Variants in ADAMTS20 observed in about 807,000 individuals in gnomAD.
ADAMTS20 encodes the protein A disintegrin and metalloproteinase with thrombospondin motifs 20.
Under a neutral mutation model 260.1 loss-of-function variants are expected in ADAMTS20, and 225 were observed. The ratio of observed to expected loss-of-function variants is 0.87; its 90% CI spans 0.78 to 0.97. The LOEUF (loss-of-function observed/expected upper bound fraction) is 0.97, where lower values mean the gene tolerates loss of function less well. Among genes scored for constraint, ADAMTS20 ranks in the 50% least tolerant of loss-of-function variants. The probability of loss-of-function intolerance (pLI) is 0.00; values close to 1 mark genes in which losing one functional copy is unlikely to be tolerated. For synonymous variants in ADAMTS20, 802 were observed against 769.5 expected (o/e 1.04, Z -0.70); for missense variants, 2,400 against 2,337.7 (o/e 1.03, Z -0.55).
At chr12:43,403,403 C>T (rs941346722) in intron 28 of ADAMTS20, among the ~76,000 whole-genome samples, 1 of 151,718 alleles carries the variant, frequency 6.6e-6, no homozygotes, top group Non-Finnish European at 1.5e-5. Context: ...TTTTAGGCTT[C>T]CCTAAACTAT....
rs567438645 is a variant in ADAMTS20 at position 43,428,700 on chromosome 12, G to A, written c.3589C>T (p.Arg1197Ter). 6 of 1,612,184 alleles carry A rather than the reference G, an allele frequency of 3.7e-6. No individual in the cohort carries two copies. The highest frequency in any genetic ancestry group is 2.2e-5 in the South Asian group (2 of 90,916). Residue 1197 changes from arginine (R) to a stop codon, truncating the protein, a stop_gained, in exon 25 of 39, where the codon CGA becomes TGA. Transcript: ENST00000389420. LOFTEE classifies it high-confidence loss of function. ...ADESYCAHLP[R>*]PAEIWDCFTP... ...AAACAGTCCCATATTTCAGCAGGTC[G>A]GGGTAAGTGGGCACAATATGATTCA...
Position 43,431,318 on chromosome 12 carries a change from T to C in ADAMTS20, c.3261+14A>G. 4 of 1,611,126 alleles carry C rather than the reference T, an allele frequency of 2.5e-6. No individual in the cohort carries two copies. The highest frequency in any genetic ancestry group is 1.7e-6 in the Non-Finnish European group (2 of 1,178,800). ...AGATAGATCAAATTAGAAAAACCCA[T>C]ATCATATACTCACAGGACCCCATGG... On this transcript the variant is annotated intron_variant, in intron 22 of 38. Transcript: ENST00000389420.
intron 28 of ADAMTS20, among the ~76,000 whole-genome samples, chr12:43,421,618 C>G (rs1302694489): frequency 6.6e-6 from 1 of 151,982 alleles, no homozygotes; most frequent in Non-Finnish European, 1.5e-5. Flanking sequence ...CTTTTAAAGA[C>G]TACCTTGGTC....
At chr12:43,469,610 C>T (rs1263495733) in intron 7 of ADAMTS20, among the ~76,000 whole-genome samples, 1 of 150,330 alleles carries the variant, frequency 6.7e-6, no homozygotes. Flanking sequence ...TCCTAGAACT[C>T]TTCCTTTCAC....
chr12:43,470,905 C>A (rs1051804867), intron 7 of ADAMTS20, among the ~76,000 whole-genome samples: 5 of 152,210 alleles, frequency 3.3e-5, no homozygotes, highest in African/African-American at 4.8e-5. Context: ...TCATCCTCAT[C>A]TATAAAATTA....
chr12:43,490,322 A>C, intron 7 of ADAMTS20, 73 bp downstream of exon 7: 1 of 768,682 alleles, frequency 1.3e-6, no homozygotes. Context: ...TAAATGGAAA[A>C]TAGCCTAAAC....
At chr12:43,385,721 CTTGT>C (rs1338377539) in intron 29 of ADAMTS20, among the ~76,000 whole-genome samples, 1 of 152,094 alleles carries the variant, frequency 6.6e-6, no homozygotes, top group Non-Finnish European at 1.5e-5. Context: ...TTCCCCATTG[CTTGT>C]TTTTGTTAAA....
chr12:43,412,514 C>G (rs1305740931), intron 28 of ADAMTS20, among the ~76,000 whole-genome samples: 1 of 152,166 alleles, frequency 6.6e-6, no homozygotes, highest in Admixed American at 6.5e-5. Context: ...TGTTCTGACT[C>G]TAACGGGTAT....
intron 2 of ADAMTS20, among the ~76,000 whole-genome samples, chr12:43,536,412 A>C (rs11182144): frequency 0.33 from 49,831 of 152,126 alleles, 8,497 homozygotes; most frequent in East Asian, 0.57. Flanking sequence ...TACAGAGATA[A>C]ATGTGACAAA....
intron 7 of ADAMTS20, among the ~76,000 whole-genome samples, chr12:43,486,216 G>A (rs907732290): frequency 6.6e-6 from 1 of 152,016 alleles, no homozygotes; most frequent in African/African-American, 2.4e-5. Flanking sequence ...TATGGTACTG[G>A]TATAAAAGCA....
At chr12:43,451,128 C>A (rs762884634) in intron 14 of ADAMTS20, among the ~76,000 whole-genome samples, 4 of 152,132 alleles carry the variant, frequency 2.6e-5, no homozygotes, top group Non-Finnish European at 5.9e-5. Flanking sequence ...CCATTTGTGA[C>A]AACATGGATG....
At chr12:43,418,947 T>C (rs940371050) in intron 28 of ADAMTS20, among the ~76,000 whole-genome samples, 1 of 152,188 alleles carries the variant, frequency 6.6e-6, no homozygotes, top group African/African-American at 2.4e-5. Context: ...TTGTGAGGTA[T>C]ATTTTTCAGC....
At position 43,431,631 on chromosome 12, in the gene ADAMTS20, CAG is replaced by C. The variant is rs1401080078; in HGVS notation, c.3097-137_3097-136del. On this transcript the variant is annotated intron_variant, in intron 21 of 38. Transcript: ENST00000389420. ...CCAAATGCATTTTCCCTCACTCCACCAGAGATATTCACTGGGTAAAATCAGCC... is the reference window on the plus strand; with the variant it reads ...CCAAATGCATTTTCCCTCACTCCACCAGATATTCACTGGGTAAAATCAGCC... 7 of 1,005,158 alleles carry C rather than the reference CAG, an allele frequency of 7.0e-6. No individual in the cohort carries two copies. The African/African-American group carries it at 9.7e-5, about 14-fold the overall frequency. 62.3% of individuals were successfully genotyped at this position (1,005,158 alleles called of 1,614,324 possible). A position where few individuals can be genotyped will look rare whatever the true frequency, so the allele number is the denominator to read the frequency against.
chr12:43,415,277 G>A (rs755855394), intron 28 of ADAMTS20, among the ~76,000 whole-genome samples: 28 of 151,960 alleles, frequency 1.8e-4, no homozygotes, highest in Non-Finnish European at 3.1e-4. Context: ...CTACATAGGC[G>A]TGTTCACTTT....
intron 7 of ADAMTS20, among the ~76,000 whole-genome samples, chr12:43,481,060 C>G (rs889842198): frequency 2.0e-5 from 3 of 151,920 alleles, no homozygotes; most frequent in Non-Finnish European, 4.4e-5. Context: ...CATTTTACCC[C>G]CAAAAATGTA....
chr12:43,492,766 A>C (rs1386479327), intron 5 of ADAMTS20, 137 bp from the exon 6 acceptor site: 1 of 918,706 alleles, frequency 1.1e-6, no homozygotes. Flanking sequence ...TCTTCTTCAT[A>C]TATTAACTAT....
At chr12:43,362,070 A>G (rs1939881534) in intron 37 of ADAMTS20, among the ~76,000 whole-genome samples, 1 of 152,182 alleles carries the variant, frequency 6.6e-6, no homozygotes, top group Non-Finnish European at 1.5e-5. Flanking sequence ...TACATCAAAT[A>G]TATGACCAGA....
chr12:43,472,710 G>C (rs866377434), intron 7 of ADAMTS20, among the ~76,000 whole-genome samples: 3,716 of 146,544 alleles, frequency 0.025, 75 homozygotes, highest in African/African-American at 0.058. Flanking sequence ...GAATTTTCAA[G>C]CCAGAATTTC....
intron 3 of ADAMTS20, among the ~76,000 whole-genome samples, chr12:43,509,509 T>C (rs951562177): frequency 7.9e-6 from 1 of 127,178 alleles, no homozygotes; most frequent in Admixed American, 1.0e-4. Flanking sequence ...TAATAAATGT[T>C]GTCACTGTAA....
Sources: allele counts gnomAD v4.1 joint callset (sites outside exome capture counted in the v4.1 genomes callset), GRCh38; gene constraint gnomAD v4.1.1; transcripts MANE v1.5; gene names NCBI Gene and HGNC (gene_info 2026-07-23, HGNC 2026-07-21).